HEATR5B: variants seen among roughly 807,000 people sequenced by gnomAD.
HEATR5B encodes the protein HEAT repeat-containing protein 5B.
Under a neutral mutation model 224.1 loss-of-function variants are expected in HEATR5B, and 156 were observed. That is an observed-to-expected ratio of 0.70 (90% CI 0.61 to 0.80). HEATR5B has a LOEUF of 0.80. HEATR5B is among the 30% of genes least tolerant of loss of function. HEATR5B has a pLI of 0.00. For synonymous variants in HEATR5B, 1,027 were observed against 893.0 expected, an observed-to-expected ratio of 1.15 and a Z score of -2.68; for missense variants, 2,323 against 2,535.5, an observed-to-expected ratio of 0.92 and a Z score of 1.80.
At chr2:37,081,605 AGAT>A (rs1672573879) in intron 2 of HEATR5B, among the ~76,000 whole-genome samples, 1 of 152,090 alleles carries the variant, frequency 6.6e-6, no homozygotes, top group African/African-American at 2.4e-5. Flanking sequence ...ATGTACCTTG[AGAT>A]AGAGGGAATG....
chr2:37,058,405 A>G (rs1223827385), intron 14 of HEATR5B, 46 bp downstream of exon 14: 16 of 1,117,544 alleles, frequency 1.4e-5, no homozygotes, highest in Non-Finnish European at 1.9e-5. Context: ...ACGGTGAAGA[A>G]TTGTAAAGAA....
intron 33 of HEATR5B, among the ~76,000 whole-genome samples, chr2:36,995,912 G>T (rs1211612181): frequency 6.6e-6 from 1 of 152,048 alleles, no homozygotes; most frequent in Non-Finnish European, 1.5e-5. Flanking sequence ...TGGAGACAGG[G>T]TCTTGCTTTT....
Position 37,002,586 on chromosome 2 carries a change from T to C in HEATR5B, c.5051-14A>G. 1.2e-6 allele frequency: 2 copies of C among 1,601,354 alleles called. No individual in the cohort carries two copies. Among genetic ancestry groups the C allele is most frequent in the South Asian group, 1.1e-5 (1 of 89,826 alleles). On this transcript the variant is annotated splice_polypyrimidine_tract_variant and intron_variant, in intron 31 of 35. Coordinates refer to ENST00000233099, the MANE Select transcript of HEATR5B (RefSeq NM_019024.3). Reference sequence around the variant, plus strand: ...TATCATCTTCATCTGAGGTAAAAGATAATTTGGTGAAATTTCCAGCCAAAA... The same window carrying C: ...TATCATCTTCATCTGAGGTAAAAGACAATTTGGTGAAATTTCCAGCCAAAA...
intron 12 of HEATR5B, 27 bp downstream of exon 12, chr2:37,060,554 G>T: frequency 1.3e-6 from 2 of 1,561,754 alleles, no homozygotes; most frequent in Non-Finnish European, 1.7e-6. Flanking sequence ...TCATAATATT[G>T]TGAAGCACAA....
intron 34 of HEATR5B, among the ~76,000 whole-genome samples, chr2:36,990,109 C>T (rs1041909918): frequency 6.6e-6 from 1 of 151,604 alleles, no homozygotes; most frequent in Non-Finnish European, 1.5e-5. Context: ...TCACTACAGG[C>T]TGGTCTCGAA....
intron 20 of HEATR5B, among the ~76,000 whole-genome samples, chr2:37,038,321 G>A (rs1166377835): frequency 6.6e-6 from 1 of 152,016 alleles, no homozygotes; most frequent in African/African-American, 2.4e-5. Context: ...TGTACTTTTA[G>A]TAGAGATGAG....
Position 36,981,459 on chromosome 2 carries a change from C to A in HEATR5B, c.*31G>T. The stretch of plus-strand genomic sequence containing the variant: ...CCATCACTAATTAGGGGCTAGTTGA[C>A]AACATAAATACAAATAAATGAAATT... On this transcript the variant is annotated 3_prime_UTR_variant, in exon 36 of 36. Coordinates refer to ENST00000233099, the MANE Select transcript of HEATR5B (RefSeq NM_019024.3). 1 of 1,550,630 alleles carries A rather than the reference C, an allele frequency of 6.4e-7. No individual in the cohort carries two copies. Among genetic ancestry groups the A allele is most frequent in the Non-Finnish European group, 8.8e-7 (1 of 1,141,168 alleles).
intron 2 of HEATR5B, among the ~76,000 whole-genome samples, chr2:37,082,955 T>C (rs761267239): frequency 7.2e-5 from 11 of 151,790 alleles, no homozygotes; most frequent in Admixed American, 2.6e-4. Flanking sequence ...TATTGACTCC[T>C]CAAAGAGATA....
rs543219305 is a variant in HEATR5B, at chr2:37,038,762, T to C, written c.3047-738A>G. On this transcript the variant is annotated intron_variant, in intron 20 of 35. Coordinates refer to ENST00000233099, the MANE Select transcript of HEATR5B (RefSeq NM_019024.3). ...GAGTTCGAGACCAGCCTGGCCAACA[T>C]AGTGGAACCCCCGTCTCTACTGAAA... Among the ~76,000 whole-genome samples, 8 of 146,088 alleles carry C rather than the reference T, an allele frequency of 5.5e-5. 1 individual carries two copies. In the South Asian group the frequency reaches 6.9e-4, roughly 13 times the overall value.
intron 24 of HEATR5B, among the ~76,000 whole-genome samples, chr2:37,022,514 A>G (rs1048144881): frequency 5.3e-5 from 8 of 152,048 alleles, no homozygotes; most frequent in African/African-American, 1.9e-4. Flanking sequence ...ACTCAACTCC[A>G]CTGTTAAGGT....
chr2:37,026,005 G>C (rs1668747762), intron 24 of HEATR5B, among the ~76,000 whole-genome samples: 1 of 152,158 alleles, frequency 6.6e-6, no homozygotes, highest in Non-Finnish European at 1.5e-5. Flanking sequence ...CAGGGCAAAA[G>C]GGACTTTGCA....
chr2:37,037,690 G>C (rs889226539), intron 21 of HEATR5B, among the ~76,000 whole-genome samples, 165 bp downstream of exon 21: 1 of 152,000 alleles, frequency 6.6e-6, no homozygotes, highest in Non-Finnish European at 1.5e-5. Context: ...TGAGGTGATG[G>C]ATACCACATT....
chr2:37,025,119 A>T (rs570207486), intron 24 of HEATR5B, among the ~76,000 whole-genome samples: 7 of 152,306 alleles, frequency 4.6e-5, no homozygotes, highest in African/African-American at 1.4e-4. Context: ...ACTTTTTCAT[A>T]TACTCTGCCA....
chr2:37,069,764 T>G (rs1313395544), intron 7 of HEATR5B, among the ~76,000 whole-genome samples: 2 of 152,184 alleles, frequency 1.3e-5, no homozygotes, highest in Non-Finnish European at 2.9e-5. Context: ...AAGCATGTAA[T>G]TTGGAATTTG....
At chr2:37,054,012 ACT>A (rs1047548595) in intron 16 of HEATR5B, among the ~76,000 whole-genome samples, 3 of 151,978 alleles carry the variant, frequency 2.0e-5, no homozygotes, top group African/African-American at 7.3e-5. Context: ...TTTTAAAAAT[ACT>A]CTTAGAATAG....
chr2:37,027,758 T>C (rs1264488518), intron 24 of HEATR5B, among the ~76,000 whole-genome samples, 165 bp downstream of exon 24: 3 of 152,210 alleles, frequency 2.0e-5, no homozygotes, highest in Non-Finnish European at 4.4e-5. Flanking sequence ...AGATGACTAG[T>C]ATGCAGAGGG....
chr2:37,044,339 T>C (rs1218521286), intron 18 of HEATR5B, among the ~76,000 whole-genome samples: 31 of 152,210 alleles, frequency 2.0e-4, no homozygotes, highest in Non-Finnish European at 5.9e-5. Flanking sequence ...TTACCTTTTA[T>C]ATAGTTTCAT....
At chr2:37,015,136 A>T (rs189113395) in intron 26 of HEATR5B, among the ~76,000 whole-genome samples, 3 of 152,318 alleles carry the variant, frequency 2.0e-5, no homozygotes, top group Non-Finnish European at 4.4e-5. Context: ...GAGGAATGGG[A>T]ATGTTTAGGT....
chr2:37,060,059 C>A lies in HEATR5B; in HGVS notation c.1849+522G>T, dbSNP rs982347240. 2.0e-5 allele frequency among the ~76,000 whole-genome samples: 3 copies of A among 152,224 alleles called. No homozygotes were observed. The South Asian group carries it at 6.2e-4, about 32-fold the overall frequency. ...GTTATCAAACGAAACAAAACCTGAGCGTTTCCTGTAAGCTGTTAACTCCCA... is the reference window on the plus strand; with the variant it reads ...GTTATCAAACGAAACAAAACCTGAGAGTTTCCTGTAAGCTGTTAACTCCCA... On this transcript the variant is annotated intron_variant, in intron 12 of 35. Coordinates refer to ENST00000233099, the MANE Select transcript of HEATR5B (RefSeq NM_019024.3).
Sources: gnomAD v4.1 joint callset for allele counts (sites outside exome capture counted in the v4.1 genomes callset) on GRCh38, gnomAD v4.1.1 for gene constraint, MANE v1.5 for transcripts, NCBI Gene and HGNC (gene_info 2026-07-23, HGNC 2026-07-21) for gene names.